The following CACNG3 variants were observed in gnomAD, a reference collection of about 807,000 sequenced individuals.
CACNG3 encodes calcium voltage-gated channel auxiliary subunit gamma 3, also known as voltage-dependent calcium channel gamma-3 subunit.
Under a neutral mutation model 28.5 loss-of-function variants are expected in CACNG3, and 3 were observed. The ratio of observed to expected loss-of-function variants is 0.11; its 90% confidence interval spans 0.05 to 0.27. CACNG3 has a LOEUF of 0.27. Ranked by LOEUF, CACNG3 falls within the 10% of genes least tolerant of loss-of-function variation. The pLI, the probability that CACNG3 is intolerant of heterozygous loss-of-function variation, is 1.00. For missense variants in CACNG3, 236 were observed against 414.4 expected, an observed-to-expected ratio of 0.57 and a Z score of 3.74; for synonymous variants, 174 against 162.2, an observed-to-expected ratio of 1.07 and a Z score of -0.55.
chr16:24,257,369 GAGAGAGAGAGAGAGAGA>G (rs1163237770), intron 1 of CACNG3, among the ~76,000 whole-genome samples: 427 of 19,624 alleles, frequency 0.022, 38 homozygotes, highest in African/African-American at 0.064. Context: ...AGTGAGGGGG[GAGAGAGAGAGAGAGAGA>G]GAGAGAGAGA....
intron 1 of CACNG3, among the ~76,000 whole-genome samples, chr16:24,276,953 C>T (rs978364668): frequency 4.6e-5 from 7 of 152,180 alleles, no homozygotes; most frequent in Admixed American, 4.6e-4. Context: ...TAATTAAAGA[C>T]ACTGTGGGTG....
intron 1 of CACNG3, among the ~76,000 whole-genome samples, chr16:24,313,458 A>C (rs1747508401): frequency 6.6e-6 from 1 of 152,086 alleles, no homozygotes; most frequent in Admixed American, 6.5e-5. Flanking sequence ...CGGCACTTTT[A>C]TGTTTTTGAT....
intron 1 of CACNG3, among the ~76,000 whole-genome samples, chr16:24,330,217 A>G (rs1004677991): frequency 2.4e-4 from 37 of 152,204 alleles, no homozygotes; most frequent in Non-Finnish European, 4.9e-4. Flanking sequence ...GCCCAAGTCC[A>G]AGGTACAGAC....
chr16:24,335,004 C>A (rs1899683023), intron 1 of CACNG3, among the ~76,000 whole-genome samples: 1 of 152,178 alleles, frequency 6.6e-6, no homozygotes, highest in Non-Finnish European at 1.5e-5. Flanking sequence ...TAATAACTGC[C>A]CCCTGTTAAC....
chr16:24,279,142 C>T (rs1219460760), intron 1 of CACNG3, among the ~76,000 whole-genome samples: 1 of 151,970 alleles, frequency 6.6e-6, no homozygotes, highest in Non-Finnish European at 1.5e-5. Context: ...CTTTGGGAGG[C>T]ACGTTAAGTA....
chr16:24,357,294 A>T (rs977344895), intron 3 of CACNG3, among the ~76,000 whole-genome samples: 5 of 151,338 alleles, frequency 3.3e-5, no homozygotes, highest in African/African-American at 1.2e-4. Flanking sequence ...CCACAAGAAC[A>T]GTATGGGGAA....
chr16:24,288,128 A>G (rs923251413), intron 1 of CACNG3, among the ~76,000 whole-genome samples: 4 of 152,236 alleles, frequency 2.6e-5, no homozygotes, highest in Non-Finnish European at 5.9e-5. Context: ...ATAGAAGACA[A>G]AAATGAAACT....
At chr16:24,336,180 G>A (rs940770180) in intron 1 of CACNG3, among the ~76,000 whole-genome samples, 1 of 151,522 alleles carries the variant, frequency 6.6e-6, no homozygotes, top group Non-Finnish European at 1.5e-5. Context: ...AGCCGAGATT[G>A]CACCACTGCA....
intron 3 of CACNG3, among the ~76,000 whole-genome samples, chr16:24,360,132 A>T (rs1900086737): frequency 1.3e-5 from 2 of 152,168 alleles, no homozygotes; most frequent in South Asian, 4.1e-4. Flanking sequence ...TCCATTTAGC[A>T]CCACCCTACA....
At chr16:24,259,535 T>G (rs1898511679) in intron 1 of CACNG3, among the ~76,000 whole-genome samples, 1 of 152,250 alleles carries the variant, frequency 6.6e-6, no homozygotes, top group African/African-American at 2.4e-5. Context: ...TAGCTCCATT[T>G]TCTTAGAGGT....
At chr16:24,284,444 G>A (rs1472106774) in intron 1 of CACNG3, among the ~76,000 whole-genome samples, 1 of 152,092 alleles carries the variant, frequency 6.6e-6, no homozygotes, top group African/African-American at 2.4e-5. Context: ...AAATGTTTTA[G>A]TCTAGGGTTA....
chr16:24,345,022 A>G (rs771237912), intron 1 of CACNG3, among the ~76,000 whole-genome samples: 1 of 152,216 alleles, frequency 6.6e-6, no homozygotes, highest in Non-Finnish European at 1.5e-5. Flanking sequence ...CTGGGGTGGT[A>G]AACAAGGGTA....
intron 1 of CACNG3, among the ~76,000 whole-genome samples, chr16:24,317,602 G>GGA (rs552273937): frequency 8.2e-4 from 51 of 62,530 alleles, no homozygotes; most frequent in South Asian, 2.1e-3. Flanking sequence ...AAGAAAGAAA[G>GGA]AAAGAAAGAA....
chr16:24,260,378 G>A (rs1440611048), intron 1 of CACNG3, among the ~76,000 whole-genome samples: 2 of 152,146 alleles, frequency 1.3e-5, no homozygotes, highest in East Asian at 1.9e-4. Flanking sequence ...CAGGCTGTTC[G>A]AAGAATTTTG....
At chr16:24,358,933 T>C (rs1471229345) in intron 3 of CACNG3, among the ~76,000 whole-genome samples, 1 of 152,200 alleles carries the variant, frequency 6.6e-6, no homozygotes, top group Non-Finnish European at 1.5e-5. Flanking sequence ...GTATGATGCA[T>C]ATAAAGATTT....
intron 1 of CACNG3, among the ~76,000 whole-genome samples, chr16:24,325,723 A>T (rs1486877907): frequency 6.6e-6 from 1 of 152,246 alleles, no homozygotes; most frequent in African/African-American, 2.4e-5. Context: ...AAGATCACAA[A>T]TGGTAATAAT....
At chr16:24,342,994 AG>A (rs1399208210) in intron 1 of CACNG3, among the ~76,000 whole-genome samples, 2 of 152,096 alleles carry the variant, frequency 1.3e-5, no homozygotes, top group African/African-American at 4.8e-5. Context: ...GTTCAAGACC[AG>A]CCTGGACAAT....
At chr16:24,297,630 T>G (rs1425370262) in intron 1 of CACNG3, among the ~76,000 whole-genome samples, 1 of 152,208 alleles carries the variant, frequency 6.6e-6, no homozygotes, top group Non-Finnish European at 1.5e-5. Context: ...CAGAGAGCTC[T>G]TCTGAGCTAG....
chr16:24,286,887 A>T (rs1898902538), intron 1 of CACNG3, among the ~76,000 whole-genome samples: 1 of 152,160 alleles, frequency 6.6e-6, no homozygotes, highest in African/African-American at 2.4e-5. Flanking sequence ...TGAGACTTTC[A>T]TTAGAGCCCC....
Sources: allele counts gnomAD v4.1 joint callset (sites outside exome capture counted in the v4.1 genomes callset), GRCh38; gene constraint gnomAD v4.1.1; transcripts MANE v1.5; gene names NCBI Gene and HGNC (gene_info 2026-07-23, HGNC 2026-07-21).